Variants in HIVEP3 observed in about 807,000 individuals in gnomAD.
HIVEP3 encodes transcription factor HIVEP3.
HIVEP3 carries 49 observed loss-of-function variants against 152.8 expected under a neutral mutation model. That is an observed-to-expected ratio of 0.32 (90% CI 0.26 to 0.41). The LOEUF (loss-of-function observed/expected upper bound fraction) is 0.41, where lower values mean the gene tolerates loss of function less well. Ranked by LOEUF, HIVEP3 falls within the 10% of genes least tolerant of loss-of-function variation. The pLI is 1.00. For missense variants in HIVEP3, 2,790 were observed against 3,103.3 expected (o/e 0.90, Z 2.40); for synonymous variants, 1,269 against 1,289.0 (o/e 0.98, Z 0.33).
At chr1:41,598,148 C>A (rs915056431) in intron 3 of HIVEP3, among the ~76,000 whole-genome samples, 2 of 152,184 alleles carry the variant, frequency 1.3e-5, no homozygotes, top group Non-Finnish European at 2.9e-5. Context: ...GAGAGTTGCG[C>A]AGGCCCAGCA....
At chr1:41,599,108 C>T (rs1012404473) in intron 3 of HIVEP3, among the ~76,000 whole-genome samples, 8 of 152,166 alleles carry the variant, frequency 5.3e-5, no homozygotes, top group African/African-American at 1.4e-4. Flanking sequence ...TGAGCCACCA[C>T]ACCCAGTCTC....
At chr1:41,579,296 C>T (rs951261343) in intron 4 of HIVEP3, among the ~76,000 whole-genome samples, 3 of 152,070 alleles carry the variant, frequency 2.0e-5, no homozygotes, top group African/African-American at 7.2e-5. Flanking sequence ...ATGGAAACAG[C>T]AGATGTAAGA....
At chr1:41,598,222 A>C (rs768461204) in intron 3 of HIVEP3, among the ~76,000 whole-genome samples, 28 of 152,154 alleles carry the variant, frequency 1.8e-4, no homozygotes, top group Non-Finnish European at 3.7e-4. Flanking sequence ...GAGAGACCCA[A>C]ATTCCACATT....
chr1:41,964,321 G>A (rs1486161477), intron 1 of HIVEP3, among the ~76,000 whole-genome samples: 1 of 152,156 alleles, frequency 6.6e-6, no homozygotes, highest in Non-Finnish European at 1.5e-5. Flanking sequence ...GGAAAGGGGA[G>A]CTCCCAGCCC....
chr1:41,510,817 C>CG lies in HIVEP3; in HGVS notation c.6854dup (p.Arg2287GlnfsTer4). 1 of 1,612,386 alleles carries CG rather than the reference C, an allele frequency of 6.2e-7. No homozygotes were observed. The stretch of plus-strand genomic sequence containing the variant: ...GGGGTGTCCAGTCAGGAGGCCTGCC[C>CG]GGGCCTCCGCCGGTCCTCTCCCTCT... On this transcript the variant is annotated frameshift_variant, in exon 9 of 9. Coordinates refer to ENST00000372583, the MANE Select transcript of HIVEP3 (RefSeq NM_024503.5). LOFTEE classifies it low-confidence loss of function (END_TRUNC).
chr1:41,842,225 T>C (rs1047011270), intron 1 of HIVEP3, among the ~76,000 whole-genome samples: 2 of 152,096 alleles, frequency 1.3e-5, no homozygotes, highest in Admixed American at 1.3e-4. Flanking sequence ...CCAAGTGCCA[T>C]AAAAACTCAT....
intron 1 of HIVEP3, among the ~76,000 whole-genome samples, chr1:41,978,471 G>A (rs760765481): frequency 6.6e-6 from 1 of 152,208 alleles, no homozygotes. Context: ...AAGACCACAG[G>A]AGGACACAGG....
intron 1 of HIVEP3, among the ~76,000 whole-genome samples, chr1:42,003,715 T>G (rs1384663202): frequency 1.3e-5 from 2 of 151,112 alleles, no homozygotes; most frequent in Non-Finnish European, 1.5e-5. Flanking sequence ...ACATTTCCTG[T>G]GCTGCTGACA....
chr1:41,764,720 G>A (rs1216433012), intron 1 of HIVEP3, among the ~76,000 whole-genome samples: 3 of 152,228 alleles, frequency 2.0e-5, no homozygotes, highest in Non-Finnish European at 4.4e-5. Context: ...CACTGGGAAT[G>A]TAGAGAGGAA....
intron 2 of HIVEP3, among the ~76,000 whole-genome samples, chr1:41,666,005 AT>A (rs1473287767): frequency 1.3e-5 from 2 of 152,054 alleles, no homozygotes; most frequent in East Asian, 3.9e-4. Flanking sequence ...CTTCTGGGTT[AT>A]TTATGTTTAG....
At chr1:41,967,446 G>T (rs977165917) in intron 1 of HIVEP3, among the ~76,000 whole-genome samples, 5 of 152,188 alleles carry the variant, frequency 3.3e-5, no homozygotes, top group Non-Finnish European at 7.3e-5. Flanking sequence ...GCTCCTGAAT[G>T]ATTCCTGGGT....
At chr1:41,707,421 C>T (rs750592778) in intron 1 of HIVEP3, among the ~76,000 whole-genome samples, 4 of 152,186 alleles carry the variant, frequency 2.6e-5, no homozygotes, top group Non-Finnish European at 1.5e-5. Flanking sequence ...TTGGGTGGGG[C>T]AAGAAAGGAC....
chr1:41,784,237 T>G (rs1649217114), intron 1 of HIVEP3, among the ~76,000 whole-genome samples: 1 of 152,238 alleles, frequency 6.6e-6, no homozygotes, highest in African/African-American at 2.4e-5. Flanking sequence ...TAGGCCATAT[T>G]GTAAGGTTTA....
intron 1 of HIVEP3, among the ~76,000 whole-genome samples, chr1:41,864,173 T>C (rs1308155388): frequency 6.6e-6 from 1 of 152,154 alleles, no homozygotes; most frequent in African/African-American, 2.4e-5. Context: ...GGCCTTTTCT[T>C]CCCTTCCTTC....
intron 5 of HIVEP3, among the ~76,000 whole-genome samples, chr1:41,527,237 C>T (rs1372814848): frequency 9.3e-6 from 1 of 107,842 alleles, no homozygotes; most frequent in Non-Finnish European, 1.9e-5. Flanking sequence ...CCCTCACACA[C>T]TCACCTCACA....
At chr1:41,707,507 G>A (rs537411728) in intron 1 of HIVEP3, among the ~76,000 whole-genome samples, 16 of 152,336 alleles carry the variant, frequency 1.1e-4, no homozygotes, top group Non-Finnish European at 2.2e-4. Context: ...CCAAGTCCCC[G>A]TACTGGGAAG....
At chr1:41,536,753 C>A (rs181010731) in intron 5 of HIVEP3, among the ~76,000 whole-genome samples, 1 of 152,236 alleles carries the variant, frequency 6.6e-6, no homozygotes, top group East Asian at 1.9e-4. Context: ...GTGCCAAGCA[C>A]GATTTTAAAT....
At chr1:41,527,352 CCTT>C (rs200286999) in intron 5 of HIVEP3, among the ~76,000 whole-genome samples, 4 of 145,048 alleles carry the variant, frequency 2.8e-5, no homozygotes, top group East Asian at 2.3e-4. Flanking sequence ...TTCACACTCA[CCTT>C]CACACTCCAC....
At chr1:41,552,700 C>T (rs1331978098) in intron 5 of HIVEP3, among the ~76,000 whole-genome samples, 1 of 151,678 alleles carries the variant, frequency 6.6e-6, no homozygotes, top group Non-Finnish European at 1.5e-5. Flanking sequence ...GTCTTTATAG[C>T]AGCATGATTT....
Sources: allele counts gnomAD v4.1 joint callset (sites outside exome capture counted in the v4.1 genomes callset), GRCh38; gene constraint gnomAD v4.1.1; transcripts MANE v1.5; gene names NCBI Gene and HGNC (gene_info 2026-07-23, HGNC 2026-07-21).